PHIP: variants seen among roughly 807,000 people sequenced by gnomAD.
The protein encoded by PHIP is PH-interacting protein.
PHIP carries 54 observed loss-of-function variants against 236.8 expected under a neutral mutation model. That is an observed-to-expected ratio of 0.23 (90% CI 0.18 to 0.29). The LOEUF (loss-of-function observed/expected upper bound fraction) is 0.29. Ranked by LOEUF, PHIP falls within the 10% of genes least tolerant of loss-of-function variation. PHIP has a pLI of 1.00. For synonymous variants in PHIP, 756 were observed against 718.9 expected (o/e 1.05, Z -0.83); for missense variants, 1,370 against 2,190.8 (o/e 0.63, Z 7.48).
At chr6:78,998,169 A>C in intron 18 of PHIP, 85 bp downstream of exon 18, 1 of 1,019,154 alleles carries the variant, frequency 9.8e-7, no homozygotes, top group Non-Finnish European at 1.5e-6. Flanking sequence ...ATGTACCATA[A>C]TTTTTTTAAA....
At position 78,963,197 on chromosome 6, in the gene PHIP, T is replaced by A. The variant is rs1766903519; in HGVS notation, c.3435A>T (p.Arg1145Ser). The A allele has an allele frequency of 6.2e-7, 1 of 1,610,716 alleles. No homozygotes were observed. ...TSVPLTDGEC[R>S]SLIYKPLDGE... The stretch of plus-strand genomic sequence containing the variant: ...CATCAAGAGGTTTATAGATTAGTGA[T>A]CTGCACTCACCATCAGTTAAAGGAA... Residue 1145 changes from arginine to serine, a missense_variant, in exon 30 of 40, where the codon AGA (arginine) becomes AGT (serine). Around this residue, in one of 14 missense-constraint regions of PHIP, gnomAD observed 238 missense variants for 398.5 expected, o/e 0.60. Coordinates refer to ENST00000275034, the MANE Select transcript of PHIP (RefSeq NM_017934.7).
chr6:79,010,296 G>A (rs1404417675), intron 15 of PHIP, among the ~76,000 whole-genome samples: 1 of 151,792 alleles, frequency 6.6e-6, no homozygotes, highest in Non-Finnish European at 1.5e-5. Flanking sequence ...GAAGAAGTAT[G>A]CATGTACAAA....
chr6:78,981,798 G>A (rs1048191498), intron 23 of PHIP, among the ~76,000 whole-genome samples: 1 of 151,910 alleles, frequency 6.6e-6, no homozygotes, highest in Non-Finnish European at 1.5e-5. Flanking sequence ...TAACAAATCA[G>A]ACTACATTTA....
In PHIP at chr6:78,983,051, T is replaced by C. The variant is rs1334761610; in HGVS notation, c.2604A>G (p.Lys868=). Residue 868 remains lysine (K), a synonymous_variant, in exon 23 of 40, where the codon AAA becomes AAG. Transcript: ENST00000275034. ...CTTTCTTGGTTTTATTCTTAGGAAC[T>C]TTCTTTGGTGGCTGCAGATTAATTC... ...DAGINLQPPK[K]VPKNKTKKAE... is the part of the protein sequence containing the mutation. The C allele has an allele frequency of 5.6e-6, 9 of 1,612,608 alleles. No homozygotes were observed. Among genetic ancestry groups the C allele is most frequent in the South Asian group, 1.1e-5 (1 of 90,806 alleles).
intron 7 of PHIP, among the ~76,000 whole-genome samples, chr6:79,033,913 AT>A (rs1771793808): frequency 6.6e-6 from 1 of 152,122 alleles, no homozygotes; most frequent in Non-Finnish European, 1.5e-5. Context: ...TATTAATTGG[AT>A]TAATTTCAAT....
intron 38 of PHIP, 128 bp downstream of exon 38, chr6:78,945,873 T>A: frequency 1.4e-6 from 1 of 703,780 alleles, no homozygotes; most frequent in Non-Finnish European, 2.4e-6. Context: ...AATAGGAAAT[T>A]AATAAAGAAG....
At chr6:79,066,868 TA>T (rs1301446871) in intron 4 of PHIP, among the ~76,000 whole-genome samples, 4 of 152,150 alleles carry the variant, frequency 2.6e-5, no homozygotes, top group Non-Finnish European at 5.9e-5. Context: ...CAAAACTTTT[TA>T]AACTCATCCA....
intron 6 of PHIP, among the ~76,000 whole-genome samples, chr6:79,046,945 A>G (rs1463047124): frequency 6.6e-6 from 1 of 152,138 alleles, no homozygotes; most frequent in Non-Finnish European, 1.5e-5. Flanking sequence ...ACAGATTAAA[A>G]TATTCAAAAT....
intron 4 of PHIP, among the ~76,000 whole-genome samples, chr6:79,069,098 T>C (rs560884451): frequency 6.6e-6 from 1 of 151,366 alleles, no homozygotes; most frequent in Admixed American, 6.6e-5. Context: ...TATTGGAATA[T>C]AGTTCTTATT....
chr6:78,958,708 G>GGTTTT, intron 31 of PHIP, 108 bp from the exon 32 acceptor site: 1 of 708,968 alleles, frequency 1.4e-6, no homozygotes, highest in Non-Finnish European at 2.5e-6. Context: ...TAAACCAACT[G>GGTTTT]TAAAAACCAT....
chr6:79,035,553 A>AT (rs1771890607), intron 7 of PHIP, among the ~76,000 whole-genome samples: 2 of 152,206 alleles, frequency 1.3e-5, no homozygotes, highest in African/African-American at 4.8e-5. Flanking sequence ...TATCTTAGAG[A>AT]ATTTGGCATT....
chr6:79,036,718 G>A (rs186536598), intron 7 of PHIP, among the ~76,000 whole-genome samples: 2 of 151,796 alleles, frequency 1.3e-5, no homozygotes, highest in Non-Finnish European at 2.9e-5. Context: ...TCAGGAGATC[G>A]AGACCATCCT....
At chr6:79,016,726 A>G in intron 12 of PHIP, 84 bp from the exon 13 acceptor site, 1 of 801,632 alleles carries the variant, frequency 1.2e-6, no homozygotes, top group Non-Finnish European at 2.1e-6. Context: ...CTTGTTTAAA[A>G]AGACAGCATT....
intron 23 of PHIP, among the ~76,000 whole-genome samples, chr6:78,981,844 T>C (rs1389772755): frequency 6.6e-6 from 1 of 151,934 alleles, no homozygotes; most frequent in Non-Finnish European, 1.5e-5. Flanking sequence ...AATGTGTGGG[T>C]AAATGTGTGG....
At chr6:79,032,955 G>GT (rs1771744194) in intron 7 of PHIP, among the ~76,000 whole-genome samples, 2 of 152,132 alleles carry the variant, frequency 1.3e-5, no homozygotes, top group South Asian at 4.1e-4. Flanking sequence ...CAGAATAAAT[G>GT]TATTGTCAGC....
chr6:78,983,778 G>A (rs1768692057), intron 22 of PHIP, among the ~76,000 whole-genome samples: 1 of 152,106 alleles, frequency 6.6e-6, no homozygotes, highest in Non-Finnish European at 1.5e-5. Context: ...AGCATGCCAT[G>A]ATTCAGAAAA....
chr6:79,071,533 C>T (rs1321115397), intron 4 of PHIP, among the ~76,000 whole-genome samples: 1 of 152,094 alleles, frequency 6.6e-6, no homozygotes, highest in Non-Finnish European at 1.5e-5. Context: ...ATAGCCTTTG[C>T]CACTTTTAGA....
At chr6:78,980,488 G>GAT (rs1768442299) in intron 23 of PHIP, among the ~76,000 whole-genome samples, 2 of 151,956 alleles carry the variant, frequency 1.3e-5, no homozygotes, top group Admixed American at 6.6e-5. Context: ...AGGAATCAAA[G>GAT]ATATCTCCAG....
At chr6:78,965,569 A>G in intron 29 of PHIP, 134 bp downstream of exon 29, 1 of 603,560 alleles carries the variant, frequency 1.7e-6, no homozygotes, top group Non-Finnish European at 3.0e-6. Flanking sequence ...GGTGTACAAT[A>G]ATAAATATTT....
Sources: gnomAD v4.1 joint callset for allele counts (sites outside exome capture counted in the v4.1 genomes callset) on GRCh38, gnomAD v4.1.1 for gene constraint, gnomAD v4.1.1 regional missense constraint, MANE v1.5 for transcripts, NCBI Gene and HGNC (gene_info 2026-07-23, HGNC 2026-07-21) for gene names.